The following PPIL2 variants were observed in gnomAD, a reference collection of about 807,000 sequenced individuals.
PPIL2 encodes the protein peptidylprolyl isomerase like 2.
In PPIL2, 50 loss-of-function variants were observed where a neutral mutation model predicts 75.2. The ratio of observed to expected loss-of-function variants is 0.66; its 90% CI spans 0.53 to 0.84. The LOEUF (loss-of-function observed/expected upper bound fraction) is 0.84. PPIL2 is among the 40% of genes least tolerant of loss of function. PPIL2 has a pLI of 0.00. For synonymous variants in PPIL2, 245 were observed against 258.8 expected (o/e 0.95, Z 0.51); for missense variants, 590 against 685.0 (o/e 0.86, Z 1.55).
chr22:21,670,025 G>T (rs2066570367), intron 2 of PPIL2, 63 bp downstream of exon 2: 6 of 1,487,126 alleles, frequency 4.0e-6, no homozygotes, highest in Non-Finnish European at 4.7e-6. Flanking sequence ...GTGTCTTCAG[G>T]ATACAGTGAG....
intron 9 of PPIL2, among the ~76,000 whole-genome samples, chr22:21,684,206 C>T (rs2067244480): frequency 6.7e-6 from 1 of 148,440 alleles, no homozygotes; most frequent in Non-Finnish European, 1.5e-5. Context: ...GACCCTGTCT[C>T]AAAAGGCTGG....
intron 6 of PPIL2, among the ~76,000 whole-genome samples, chr22:21,680,969 T>C (rs553025716): frequency 1.1e-3 from 160 of 152,104 alleles, no homozygotes; most frequent in Non-Finnish European, 1.6e-3. Flanking sequence ...CTGTCAGGGC[T>C]GGAACATGGG....
rs559077450 is a variant in PPIL2, at chr22:21,668,392, T to C, written c.33-1521T>C. Among the ~76,000 whole-genome samples the C allele has an allele frequency of 4.8e-4, 73 of 151,660 alleles. 1 individual carries two copies. The highest frequency in any genetic ancestry group is 8.8e-4 in the Non-Finnish European group (60 of 67,922). On this transcript the variant is annotated intron_variant, in intron 1 of 19. Coordinates refer to ENST00000398831, the MANE Select transcript of PPIL2 (RefSeq NM_014337.4). ...CTGTAATCCCAGCACTTTGGGAGGC[T>C]GAGGCGGGTGGATCACCAGGTCAGG...
Position 21,697,041 on chromosome 22 carries a change from C to G in PPIL2, c.*1551C>G, listed in dbSNP as rs985258810. 3.0e-5 allele frequency: 46 copies of G among 1,516,246 alleles called. No homozygotes were observed. Among genetic ancestry groups the G allele is most frequent in the Non-Finnish European group, 7.1e-6 (8 of 1,123,508 alleles). The allele number at this position is 1,516,246 out of a possible 1,614,324, so 93.9% of individuals were successfully genotyped here. On this transcript the variant is annotated 3_prime_UTR_variant, in exon 20 of 20. Transcript: ENST00000398831. Reference sequence around the variant, plus strand: ...GCAGCCTGTCATCCCTGTCTGTGACCATTGGTCGGGCCCCTGGGCTCTAGA... The same window carrying G: ...GCAGCCTGTCATCCCTGTCTGTGACGATTGGTCGGGCCCCTGGGCTCTAGA...
At position 21,668,738 on chromosome 22, in the gene PPIL2, GTCTCGC is replaced by G. The variant is rs538359781; in HGVS notation, c.33-1171_33-1166del. On this transcript the variant is annotated intron_variant, in intron 1 of 19. Coordinates refer to ENST00000398831, the MANE Select transcript of PPIL2 (RefSeq NM_014337.4). ...CATTTTTTTTTTTTTTTGAGACGGA[GTCTCGC>G]TCTGTCGCCCAGGCTGGAGTGCGGT... is the stretch of plus-strand genomic sequence containing the variant. Among the ~76,000 whole-genome samples, 138 of 144,642 alleles carry G rather than the reference GTCTCGC, an allele frequency of 9.5e-4. 1 individual carries two copies. In the South Asian group the frequency reaches 0.01, roughly 11 times the overall value. The allele number at this position is 144,642 out of a possible 152,430, so 94.9% of individuals were successfully genotyped here. A position where few individuals can be genotyped will look rare whatever the true frequency, so the allele number is the denominator to read the frequency against.
rs2067926786 is a variant in PPIL2 at position 21,696,284 on chromosome 22, C to T, written c.*794C>T. 2.9e-6 allele frequency: 3 copies of T among 1,037,550 alleles called. No individual in the cohort carries two copies. Among genetic ancestry groups the T allele is most frequent in the South Asian group, 3.4e-5 (1 of 28,994 alleles). The allele number at this position is 1,037,550 out of a possible 1,614,324, so 64.3% of individuals were successfully genotyped here. Reference sequence around the variant, plus strand: ...CCACCTGGGCTTCATCTCAAGCCTGCCTGGCGTCTCTGTGCCCCTGTGAGA... The same window carrying T: ...CCACCTGGGCTTCATCTCAAGCCTGTCTGGCGTCTCTGTGCCCCTGTGAGA... On this transcript the variant is annotated 3_prime_UTR_variant, in exon 20 of 20. Coordinates refer to ENST00000398831, the MANE Select transcript of PPIL2 (RefSeq NM_014337.4).
chr22:21,684,882 C>A lies in PPIL2; in HGVS notation c.683C>A (p.Pro228Gln), dbSNP rs372633630. 1.2e-6 allele frequency: 2 copies of A among 1,614,022 alleles called. No individual in the cohort carries two copies. Among genetic ancestry groups the A allele is most frequent in the African/African-American group, 1.3e-5 (1 of 75,064 alleles). Residue 228 changes from proline (P) to glutamine (Q), a missense_variant, in exon 10 of 20, where the codon CCG becomes CAG. Physicochemically the swap from Pro to Gln is moderately conservative, Grantham distance 76. Coordinates refer to ENST00000398831, the MANE Select transcript of PPIL2 (RefSeq NM_014337.4). ...ATTCTGGCAGCCACCATGAAGGCCC[C>A]GGAGAAGAAGAAAGTGGACAAGCTG... ...DEILAATMKA[P>Q]EKKKVDKLNA... is the part of the protein sequence containing the mutation.
At chr22:21,678,187 C>CT (rs968764300) in intron 6 of PPIL2, among the ~76,000 whole-genome samples, 12 of 151,532 alleles carry the variant, frequency 7.9e-5, no homozygotes, top group Middle Eastern at 3.4e-3. Flanking sequence ...GAGGTCCAGC[C>CT]TTTTTTTTTC....
intron 15 of PPIL2, among the ~76,000 whole-genome samples, chr22:21,689,484 C>T (rs2067529168): frequency 6.6e-6 from 1 of 151,844 alleles, no homozygotes; most frequent in Non-Finnish European, 1.5e-5. Context: ...TGTAAATGGA[C>T]TTTTTTTTTC....
chr22:21,695,241 G>A, intron 19 of PPIL2, 153 bp from the exon 20 acceptor site: 2 of 1,319,388 alleles, frequency 1.5e-6, no homozygotes, highest in Non-Finnish European at 2.0e-6. Flanking sequence ...CCTGGCCGGG[G>A]CCTCTGTGGG....
intron 9 of PPIL2, among the ~76,000 whole-genome samples, chr22:21,684,284 A>G (rs1394161304): frequency 2.5e-5 from 1 of 40,122 alleles, no homozygotes; most frequent in Admixed American, 2.5e-4. Context: ...CGAGGTTACA[A>G]GATTGTAACA....
intron 6 of PPIL2, among the ~76,000 whole-genome samples, chr22:21,677,218 C>T (rs1380962152): frequency 2.7e-5 from 4 of 149,154 alleles, no homozygotes; most frequent in African/African-American, 7.4e-5. Flanking sequence ...GATGGGGTTG[C>T]AGCCAGGCAG....
chr22:21,675,782 G>A (rs2066815636), intron 6 of PPIL2, among the ~76,000 whole-genome samples: 1 of 152,268 alleles, frequency 6.6e-6, no homozygotes, highest in East Asian at 1.9e-4. Flanking sequence ...CAGCTGAGTA[G>A]GGGATGTGGG....
chr22:21,688,223 A>G (rs1353913107), intron 14 of PPIL2, 117 bp downstream of exon 14: 1 of 1,331,588 alleles, frequency 7.5e-7, no homozygotes, highest in Non-Finnish European at 1.1e-6. Context: ...ACCAGGGTGG[A>G]ACGACTGGCA....
In PPIL2 at chr22:21,681,381, C is replaced by T. The variant is rs1366845334; in HGVS notation, c.378C>T (p.Tyr126=). ...CTGTGAGGACGACCGGCAACGTCTA[C>T]GCCTATGAGGTGTGTCCTCGCTCCG... The part of the protein sequence containing the change: ...IVAVRTTGNV[Y]AYEAVEQLNI... The change falls in exon 7 of 20, where the codon TAC becomes TAT. Residue 126 remains tyrosine, a synonymous_variant. Transcript: ENST00000398831. The T allele has an allele frequency of 1.2e-5, 19 of 1,613,132 alleles. No individual in the cohort carries two copies. The highest frequency in any genetic ancestry group is 2.2e-5 in the South Asian group (2 of 91,070).
At chr22:21,685,065 T>C (rs1161201534) in intron 10 of PPIL2, 152 bp downstream of exon 10, 3 of 1,094,530 alleles carry the variant, frequency 2.7e-6, no homozygotes, top group African/African-American at 3.2e-5. Flanking sequence ...GTGCCCCTGA[T>C]GGCTCTGAGT....
intron 4 of PPIL2, 114 bp downstream of exon 4, chr22:21,671,173 A>G (rs1647705): frequency 0.16 from 165,514 of 1,060,290 alleles, 14,577 homozygotes; most frequent in African/African-American, 0.19. Flanking sequence ...AGTAACAGCT[A>G]GGGCCTTGGG....
In PPIL2 at chr22:21,686,662, C is replaced by G. The variant is rs2067375388; in HGVS notation, c.790+104C>G. The G allele has an allele frequency of 3.3e-6, 4 of 1,227,110 alleles. No individual in the cohort carries two copies. In the East Asian group the frequency reaches 9.7e-5, roughly 30 times the overall value. 76.0% of individuals were successfully genotyped at this position (1,227,110 alleles called of 1,614,324 possible). The stretch of plus-strand genomic sequence containing the variant: ...TTTATTGGTCTGTCAGGGGCTCCCA[C>G]TGTCACCTGAGCCCCTAGTCCTCCC... On this transcript the variant is annotated intron_variant, in intron 11 of 19. Coordinates refer to ENST00000398831, the MANE Select transcript of PPIL2 (RefSeq NM_014337.4).
intron 5 of PPIL2, among the ~76,000 whole-genome samples, 189 bp downstream of exon 5, chr22:21,672,570 C>T (rs1211353647): frequency 2.0e-5 from 3 of 152,186 alleles, no homozygotes; most frequent in African/African-American, 4.8e-5. Flanking sequence ...GGCCTGTGCA[C>T]GTGTATATAT....
Sources: gnomAD v4.1 joint callset for allele counts (sites outside exome capture counted in the v4.1 genomes callset) on GRCh38, gnomAD v4.1.1 for gene constraint, MANE v1.5 for transcripts, NCBI Gene and HGNC (gene_info 2026-07-23, HGNC 2026-07-21) for gene names.